LRRC37A2: variants seen among roughly 807,000 people sequenced by gnomAD.
LRRC37A2 encodes the protein leucine-rich repeat-containing protein 37A2.
A neutral mutation model predicts 68.8 loss-of-function variants in LRRC37A2; 9 were observed. The ratio of observed to expected loss-of-function variants is 0.13; its 90% CI spans 0.08 to 0.23. LRRC37A2 has a LOEUF of 0.23. LRRC37A2 is among the 10% of genes least tolerant of loss of function. The pLI is 1.00. For missense variants in LRRC37A2, 168 were observed against 950.4 expected (o/e 0.18, Z 10.82); for synonymous variants, 63 against 367.6 (o/e 0.17, Z 9.48).
At chr17:46,802,002 A>G in the LRRC37A2 span, among the ~76,000 whole-genome samples, 21 of 152,256 alleles carry the variant, frequency 1.4e-4, no homozygotes, top group South Asian at 2.9e-3. Flanking sequence ...ACTGTTAAAC[A>G]TAAGATATTC....
At chr17:46,726,393 C>T in the LRRC37A2 span, among the ~76,000 whole-genome samples, 55 of 152,288 alleles carry the variant, frequency 3.6e-4, no homozygotes, top group African/African-American at 1.2e-3. Context: ...CTCTGTTCAG[C>T]GGTGATCCAG....
intron 6 of LRRC37A2, among the ~76,000 whole-genome samples, chr17:46,529,686 A>G (rs2053375509): frequency 1.4e-5 from 1 of 73,472 alleles, no homozygotes. Context: ...ATATAAATAA[A>G]TAAAAACACT....
chr17:46,491,053 C>G, the LRRC37A2 span, among the ~76,000 whole-genome samples: 1,076 of 150,636 alleles, frequency 7.1e-3, 28 homozygotes, highest in African/African-American at 0.023. Context: ...CGCTGCCACA[C>G]CCAGCTAATT....
the LRRC37A2 span, among the ~76,000 whole-genome samples, chr17:46,388,486 T>C: frequency 2.7e-5 from 1 of 36,486 alleles, no homozygotes. Flanking sequence ...TGCTTGAACC[T>C]GGGAGGCAGA....
At chr17:46,801,642 G>A in the LRRC37A2 span, among the ~76,000 whole-genome samples, 1 of 147,252 alleles carries the variant, frequency 6.8e-6, no homozygotes, top group African/African-American at 2.5e-5. Context: ...GAATTGAATT[G>A]AATTAAATTA....
the LRRC37A2 span, among the ~76,000 whole-genome samples, chr17:46,803,144 T>C: frequency 6.6e-6 from 1 of 152,254 alleles, no homozygotes; most frequent in African/African-American, 2.4e-5. Flanking sequence ...GCTTGGTGTA[T>C]GCACGCATTT....
At chr17:46,829,690 A>G in the LRRC37A2 span, among the ~76,000 whole-genome samples, 1 of 146,624 alleles carries the variant, frequency 6.8e-6, no homozygotes, top group Non-Finnish European at 1.5e-5. Flanking sequence ...ACTGGGACTC[A>G]CTCTTTCACC....
the LRRC37A2 span, among the ~76,000 whole-genome samples, chr17:46,872,979 G>C: frequency 6.6e-6 from 1 of 152,078 alleles, no homozygotes; most frequent in South Asian, 2.1e-4. Flanking sequence ...CCTCAGGTTT[G>C]GGGGAGCAGA....
the LRRC37A2 span, chr17:46,931,030 T>G: frequency 1.1e-6 from 1 of 882,222 alleles, no homozygotes; most frequent in South Asian, 1.4e-5. Flanking sequence ...AAAAAATCTG[T>G]GATTTATCAT....
chr17:46,820,997 G>A, the LRRC37A2 span: 1 of 152,166 alleles, frequency 6.6e-6, no homozygotes, highest in Non-Finnish European at 1.5e-5. Context: ...CTGTGAGGTG[G>A]GAGCAAAAGA....
the LRRC37A2 span, among the ~76,000 whole-genome samples, chr17:46,833,896 T>C: frequency 6.6e-6 from 1 of 152,184 alleles, no homozygotes; most frequent in African/African-American, 2.4e-5. Flanking sequence ...GTCCCCATTC[T>C]GGACCATGTC....
chr17:46,731,160 A>T, the LRRC37A2 span, among the ~76,000 whole-genome samples: 1 of 152,052 alleles, frequency 6.6e-6, no homozygotes, highest in African/African-American at 2.4e-5. Flanking sequence ...ACTCAGCAAT[A>T]AAAAAAAGTA....
At chr17:46,767,430 G>A in the LRRC37A2 span, among the ~76,000 whole-genome samples, 6 of 152,286 alleles carry the variant, frequency 3.9e-5, no homozygotes, top group African/African-American at 1.4e-4. Context: ...TTATGCTTGT[G>A]CAGGAACTTG....
At chr17:46,945,512 A>G in the LRRC37A2 span, among the ~76,000 whole-genome samples, 1 of 152,160 alleles carries the variant, frequency 6.6e-6, no homozygotes, top group Non-Finnish European at 1.5e-5. Context: ...CTTGGGCTTA[A>G]TCACTCCAGC....
At chr17:46,793,035 C>T in the LRRC37A2 span, among the ~76,000 whole-genome samples, 5 of 150,816 alleles carry the variant, frequency 3.3e-5, no homozygotes, top group East Asian at 1.9e-4. Flanking sequence ...AAGGCCGAGG[C>T]GGGAGGAGCA....
the LRRC37A2 span, among the ~76,000 whole-genome samples, chr17:46,990,504 A>C: frequency 2.6e-5 from 4 of 152,146 alleles, no homozygotes; most frequent in Admixed American, 2.6e-4. Context: ...AGTCGTTGTA[A>C]GGGGTAAGAC....
At chr17:46,386,101 AT>A in the LRRC37A2 span, among the ~76,000 whole-genome samples, 2 of 124,998 alleles carry the variant, frequency 1.6e-5, no homozygotes, top group Non-Finnish European at 1.8e-5. Context: ...ATTCTAGATA[AT>A]TTTTTTTTGG....
At chr17:46,467,416 G>A in the LRRC37A2 span, among the ~76,000 whole-genome samples, 1 of 83,956 alleles carries the variant, frequency 1.2e-5, no homozygotes, top group Non-Finnish European at 2.5e-5. Context: ...ACTGAGATTG[G>A]GTCTAACGGA....
At chr17:46,543,235 G>A (rs1219078026) in intron 8 of LRRC37A2, among the ~76,000 whole-genome samples, 1 of 150,538 alleles carries the variant, frequency 6.6e-6, no homozygotes, top group Non-Finnish European at 1.5e-5. Flanking sequence ...ACACATTTAT[G>A]TACAAAGTAA....
Sources: gnomAD v4.1 joint callset for allele counts (sites outside exome capture counted in the v4.1 genomes callset) on GRCh38, gnomAD v4.1.1 for gene constraint, MANE v1.5 for transcripts, NCBI Gene and HGNC (gene_info 2026-07-23, HGNC 2026-07-21) for gene names.